Variants in RALGAPA2 observed in about 807,000 individuals in gnomAD.
RALGAPA2 encodes ral GTPase-activating protein subunit alpha-2.
RALGAPA2 carries 139 observed loss-of-function variants against 230.4 expected under a neutral mutation model. The ratio of observed to expected loss-of-function variants is 0.60; its 90% CI spans 0.53 to 0.69. The LOEUF (loss-of-function observed/expected upper bound fraction) is 0.69, where lower values mean the gene tolerates loss of function less well. Ranked by LOEUF, RALGAPA2 falls within the 30% of genes least tolerant of loss-of-function variation. RALGAPA2 has a pLI of 0.00. For synonymous variants in RALGAPA2, 847 were observed against 837.8 expected (o/e 1.01, Z -0.19); for missense variants, 2,163 against 2,276.0 (o/e 0.95, Z 1.01).
chr20:20,553,743 T>C (rs1037157870), intron 23 of RALGAPA2, among the ~76,000 whole-genome samples: 1 of 151,936 alleles, frequency 6.6e-6, no homozygotes, highest in Non-Finnish European at 1.5e-5. Flanking sequence ...ACAGAACAAG[T>C]GGACAGATGG....
At chr20:20,697,518 G>C (rs2069162564) in intron 1 of RALGAPA2, among the ~76,000 whole-genome samples, 1 of 152,122 alleles carries the variant, frequency 6.6e-6, no homozygotes, top group Non-Finnish European at 1.5e-5. Context: ...TGTTGTGGGA[G>C]GTAATGTGCC....
intron 13 of RALGAPA2, among the ~76,000 whole-genome samples, chr20:20,613,550 T>C (rs1346259359): frequency 6.6e-6 from 1 of 152,068 alleles, no homozygotes; most frequent in Admixed American, 6.6e-5. Context: ...CACAGGGAGG[T>C]AGCTGGTGTC....
intron 1 of RALGAPA2, among the ~76,000 whole-genome samples, chr20:20,708,319 G>GT (rs1249033725): frequency 2.6e-5 from 4 of 152,126 alleles, no homozygotes; most frequent in Non-Finnish European, 5.9e-5. Flanking sequence ...GGAACCCAGC[G>GT]TAAGTAAAAC....
At chr20:20,598,656 C>A in intron 16 of RALGAPA2, 1 of 450,168 alleles carries the variant, frequency 2.2e-6, no homozygotes, top group African/African-American at 2.0e-5. Flanking sequence ...CAGTGATGGA[C>A]ACATGAGACA....
intron 36 of RALGAPA2, among the ~76,000 whole-genome samples, chr20:20,493,356 T>C (rs2062113980): frequency 6.6e-6 from 1 of 152,252 alleles, no homozygotes; most frequent in South Asian, 2.1e-4. Flanking sequence ...TTTAGGCTTT[T>C]TGAATTAAAA....
intron 5 of RALGAPA2, 80 bp from the exon 6 acceptor site, chr20:20,640,958 A>G (rs1393264912): frequency 2.4e-6 from 3 of 1,264,732 alleles, no homozygotes; most frequent in Non-Finnish European, 3.3e-6. Flanking sequence ...GGTCTTGAGA[A>G]AGAAAAACTA....
intron 37 of RALGAPA2, among the ~76,000 whole-genome samples, chr20:20,434,031 G>C (rs1482131354): frequency 6.6e-6 from 1 of 152,224 alleles, no homozygotes; most frequent in Non-Finnish European, 1.5e-5. Flanking sequence ...GAGGAAGAGG[G>C]AGAAGGGGTG....
chr20:20,614,036 G>A (rs1343069296), intron 13 of RALGAPA2, among the ~76,000 whole-genome samples: 1 of 152,170 alleles, frequency 6.6e-6, no homozygotes, highest in African/African-American at 2.4e-5. Flanking sequence ...TCTCACAGTA[G>A]AAGCTCGATA....
intron 23 of RALGAPA2, among the ~76,000 whole-genome samples, chr20:20,564,226 G>A (rs1362034987): frequency 6.6e-6 from 1 of 152,158 alleles, no homozygotes; most frequent in Non-Finnish European, 1.5e-5. Flanking sequence ...TTAAATCAAA[G>A]CCACTCTAGT....
chr20:20,556,856 G>A (rs1260977507), intron 23 of RALGAPA2, among the ~76,000 whole-genome samples: 1 of 152,108 alleles, frequency 6.6e-6, no homozygotes, highest in East Asian at 1.9e-4. Flanking sequence ...GGAGGGCTGG[G>A]GTAGGAGGAT....
chr20:20,658,937 C>G (rs1206320286), intron 3 of RALGAPA2, among the ~76,000 whole-genome samples: 1 of 152,148 alleles, frequency 6.6e-6, no homozygotes, highest in Non-Finnish European at 1.5e-5. Flanking sequence ...TACATACTAA[C>G]TCATGGGAAG....
chr20:20,703,495 A>T (rs1286182512), intron 1 of RALGAPA2, among the ~76,000 whole-genome samples: 1 of 152,210 alleles, frequency 6.6e-6, no homozygotes, highest in Non-Finnish European at 1.5e-5. Context: ...CTATGTAAAG[A>T]TAACCTGTAT....
chr20:20,664,016 C>T (rs1043022863), intron 3 of RALGAPA2, among the ~76,000 whole-genome samples: 11 of 152,192 alleles, frequency 7.2e-5, no homozygotes, highest in Admixed American at 3.3e-4. Context: ...CAGCATGGAT[C>T]CACTGGACAA....
chr20:20,493,935 C>G (rs2062133755), intron 36 of RALGAPA2, among the ~76,000 whole-genome samples: 1 of 152,192 alleles, frequency 6.6e-6, no homozygotes, highest in South Asian at 2.1e-4. Flanking sequence ...GGCTTTGCAA[C>G]AGCCAGAATG....
intron 18 of RALGAPA2, 36 bp downstream of exon 18, chr20:20,589,232 T>C (rs1329767898): frequency 1.7e-5 from 26 of 1,523,838 alleles, no homozygotes; most frequent in Non-Finnish European, 2.3e-5. Context: ...ATGTTTATTT[T>C]TAATGACAAA....
At chr20:20,467,450 T>C (rs2061442815) in intron 37 of RALGAPA2, among the ~76,000 whole-genome samples, 1 of 152,208 alleles carries the variant, frequency 6.6e-6, no homozygotes, top group African/African-American at 2.4e-5. Context: ...CAATTTTGGG[T>C]ACATCCTTTA....
intron 1 of RALGAPA2, among the ~76,000 whole-genome samples, chr20:20,705,368 G>A (rs1485878201): frequency 6.6e-6 from 1 of 150,810 alleles, no homozygotes; most frequent in Non-Finnish European, 1.5e-5. Context: ...ACCATACCCA[G>A]CTAATTTCTT....
chr20:20,644,215 A>T (rs550178535), intron 4 of RALGAPA2, among the ~76,000 whole-genome samples: 1 of 152,352 alleles, frequency 6.6e-6, no homozygotes, highest in South Asian at 2.1e-4. Flanking sequence ...ACGGGATCTT[A>T]ACCTCAAAAA....
rs766141954 is a variant in RALGAPA2, at chr20:20,513,237, C to T, written c.4132G>A (p.Val1378Met). The change falls in exon 32 of 40, where the codon GTG becomes ATG. Residue 1378 changes from valine (V) to methionine (M), a missense_variant. Transcript: ENST00000202677. ...AGGTGGTTCACCAGGTGGGCCATCA[C>T]CATTCGAGCAGTCAAAGGGATCAAC... is the stretch of plus-strand genomic sequence containing the variant. The part of the protein sequence containing the change: ...LELIPLTARM[V>M]MAHLVNHLGH... The T allele has an allele frequency of 8.0e-6, 12 of 1,507,098 alleles. No individual in the cohort carries two copies. Among genetic ancestry groups the T allele is most frequent in the Non-Finnish European group, 1.1e-5 (12 of 1,129,762 alleles). 93.4% of individuals were successfully genotyped at this position (1,507,098 alleles called of 1,614,324 possible).
Sources: gnomAD v4.1 joint callset for allele counts (sites outside exome capture counted in the v4.1 genomes callset) on GRCh38, gnomAD v4.1.1 for gene constraint, MANE v1.5 for transcripts, NCBI Gene and HGNC (gene_info 2026-07-23, HGNC 2026-07-21) for gene names.